BABAM2: variants seen among roughly 807,000 people sequenced by gnomAD.
BABAM2 encodes BRISC and BRCA1-A complex member 2.
Under a neutral mutation model 54.7 loss-of-function variants are expected in BABAM2, and 31 were observed. That is an observed-to-expected ratio of 0.57 (90% CI 0.43 to 0.77). BABAM2 has a LOEUF of 0.77. BABAM2 is among the 30% of genes least tolerant of loss of function. BABAM2 has a pLI of 0.00. For synonymous variants in BABAM2, 167 were observed against 162.9 expected (o/e 1.03, Z -0.19); for missense variants, 364 against 455.8 (o/e 0.80, Z 1.83).
intron 6 of BABAM2, 146 bp from the exon 7 acceptor site, chr2:28,129,125 G>A (rs964952739): frequency 2.8e-6 from 2 of 726,176 alleles, no homozygotes; most frequent in Non-Finnish European, 4.8e-6. Flanking sequence ...GGGTAGGTGT[G>A]TGGAAAGGAT....
At chr2:28,206,525 G>A (rs906428118) in intron 7 of BABAM2, among the ~76,000 whole-genome samples, 7 of 152,134 alleles carry the variant, frequency 4.6e-5, no homozygotes, top group African/African-American at 1.7e-4. Context: ...CTTGATGGTG[G>A]TGATGATGTT....
At chr2:28,286,262 G>T (rs1283565114) in intron 10 of BABAM2, among the ~76,000 whole-genome samples, 1 of 152,010 alleles carries the variant, frequency 6.6e-6, no homozygotes, top group Non-Finnish European at 1.5e-5. Flanking sequence ...CCTTATTTTT[G>T]ATTTGTACAT....
intron 6 of BABAM2, among the ~76,000 whole-genome samples, chr2:28,110,355 G>A (rs1404570434): frequency 6.6e-6 from 1 of 152,116 alleles, no homozygotes; most frequent in Non-Finnish European, 1.5e-5. Context: ...TGGGTGTGGT[G>A]GCAGATGCCT....
chr2:28,170,660 G>A (rs1017015219), intron 7 of BABAM2, among the ~76,000 whole-genome samples: 9 of 152,060 alleles, frequency 5.9e-5, no homozygotes, highest in Non-Finnish European at 1.0e-4. Context: ...ATTTTTAGAT[G>A]TTTATGAACT....
At chr2:27,916,949 C>G (rs1667013851) in intron 2 of BABAM2, among the ~76,000 whole-genome samples, 1 of 149,284 alleles carries the variant, frequency 6.7e-6, no homozygotes, top group East Asian at 1.9e-4. Flanking sequence ...TTTTTGTCTT[C>G]TGATTACAAG....
chr2:27,889,552 G>A (rs1302486849), upstream of BABAM2, among the ~76,000 whole-genome samples: 1 of 152,078 alleles, frequency 6.6e-6, no homozygotes, highest in East Asian at 1.9e-4. Context: ...AAAATCAGAA[G>A]GATCTGTCTA....
chr2:28,335,217 G>A (rs1691336739), intron 11 of BABAM2, among the ~76,000 whole-genome samples: 1 of 144,420 alleles, frequency 6.9e-6, no homozygotes, highest in Admixed American at 7.1e-5. Flanking sequence ...AGGCTGGAGT[G>A]CCATGGTGCG....
intron 7 of BABAM2, among the ~76,000 whole-genome samples, chr2:28,138,991 C>G (rs1670784380): frequency 6.6e-6 from 1 of 152,166 alleles, no homozygotes; most frequent in South Asian, 2.1e-4. Context: ...TGACATTGTT[C>G]TCTCTGAGAA....
chr2:28,033,386 C>T (rs567729735), intron 5 of BABAM2, among the ~76,000 whole-genome samples: 1 of 152,178 alleles, frequency 6.6e-6, no homozygotes, highest in Admixed American at 6.5e-5. Flanking sequence ...TTATTCCTTA[C>T]AGTTATAGAA....
At chr2:28,075,558 A>ATGTGTG (rs144550431) in intron 6 of BABAM2, among the ~76,000 whole-genome samples, 48 of 147,930 alleles carry the variant, frequency 3.2e-4, no homozygotes, top group African/African-American at 1.1e-3. Flanking sequence ...TTCTCTGTGC[A>ATGTGTG]TGTGTGTGTG....
chr2:28,148,519 T>A (rs149732107), intron 7 of BABAM2, among the ~76,000 whole-genome samples: 32 of 152,340 alleles, frequency 2.1e-4, no homozygotes, highest in African/African-American at 6.5e-4. Flanking sequence ...CAGAACCACA[T>A]TTTGGGGGAC....
rs150678023 is a variant in BABAM2 at position 28,000,810 on chromosome 2, G to C, written c.300+12723G>C. Among the ~76,000 whole-genome samples, 132 of 152,244 alleles carry C rather than the reference G, an allele frequency of 8.7e-4. 1 individual carries two copies. Among genetic ancestry groups the C allele is most frequent in the Non-Finnish European group, 1.5e-3 (102 of 67,996 alleles). Reference sequence around the variant, plus strand: ...TTATTTTGTTCTTCAAATTCTTCCAGCTTTGGCCACTGGAAGTTCTTCCAC... The same window carrying C: ...TTATTTTGTTCTTCAAATTCTTCCACCTTTGGCCACTGGAAGTTCTTCCAC... On this transcript the variant is annotated intron_variant, in intron 4 of 11. Transcript: ENST00000379624.
intron 2 of BABAM2, among the ~76,000 whole-genome samples, chr2:27,909,861 A>G (rs1666452564): frequency 6.6e-6 from 1 of 152,250 alleles, no homozygotes; most frequent in South Asian, 2.1e-4. Context: ...GACATTGGTT[A>G]ACATAAGCAG....
chr2:28,271,948 CA>C (rs1438664746), intron 10 of BABAM2, among the ~76,000 whole-genome samples: 1 of 152,192 alleles, frequency 6.6e-6, no homozygotes, highest in East Asian at 1.9e-4. Context: ...TTCCTACCTT[CA>C]AGAGCATTAA....
chr2:27,906,004 T>C (rs1400505393), intron 2 of BABAM2, among the ~76,000 whole-genome samples: 3 of 152,182 alleles, frequency 2.0e-5, no homozygotes, highest in African/African-American at 7.2e-5. Context: ...TGAACACTGA[T>C]TGTCTTGAGC....
chr2:27,988,751 A>G (rs1284131577), intron 4 of BABAM2, among the ~76,000 whole-genome samples: 2 of 152,294 alleles, frequency 1.3e-5, no homozygotes, highest in East Asian at 3.9e-4. Flanking sequence ...GGATGGAGAA[A>G]AACACATGCC....
At chr2:28,271,419 C>G (rs1365290320) in intron 10 of BABAM2, among the ~76,000 whole-genome samples, 1 of 149,446 alleles carries the variant, frequency 6.7e-6, no homozygotes, top group East Asian at 1.9e-4. Flanking sequence ...TCCTCGTGGC[C>G]TGGGCCCTCA....
intron 8 of BABAM2, among the ~76,000 whole-genome samples, chr2:28,240,341 C>T (rs1682298140): frequency 6.6e-6 from 1 of 151,984 alleles, no homozygotes; most frequent in African/African-American, 2.4e-5. Context: ...TGAGGCTGGT[C>T]TTGAATTCCT....
At chr2:28,208,756 CCT>C (rs1242881329) in intron 7 of BABAM2, among the ~76,000 whole-genome samples, 6 of 152,092 alleles carry the variant, frequency 3.9e-5, no homozygotes, top group Admixed American at 3.9e-4. Context: ...ACAGTTGTGG[CCT>C]CTGAGTACAT....
Sources: gnomAD v4.1 joint callset for allele counts (sites outside exome capture counted in the v4.1 genomes callset) on GRCh38, gnomAD v4.1.1 for gene constraint, MANE v1.5 for transcripts, NCBI Gene and HGNC (gene_info 2026-07-23, HGNC 2026-07-21) for gene names.